Variants in PLCL1 observed in about 807,000 individuals in gnomAD.
PLCL1 encodes the protein phospholipase C like 1 (inactive).
Under a neutral mutation model 84.4 loss-of-function variants are expected in PLCL1, and 41 were observed. That is an observed-to-expected ratio of 0.49 (90% CI 0.38 to 0.63). The LOEUF is 0.63. Ranked by LOEUF, PLCL1 falls within the 30% of genes least tolerant of loss-of-function variation. PLCL1 has a pLI of 0.00. For synonymous variants in PLCL1, 490 were observed against 488.3 expected (o/e 1.00, Z -0.05); for missense variants, 1,206 against 1,367.8 (o/e 0.88, Z 1.87).
chr2:197,953,794 CTA>C (rs1689433843), intron 1 of PLCL1, among the ~76,000 whole-genome samples: 1 of 151,446 alleles, frequency 6.6e-6, no homozygotes, highest in Non-Finnish European at 1.5e-5. Flanking sequence ...AACATTTTTT[CTA>C]TGTGTTTTTG....
intron 1 of PLCL1, among the ~76,000 whole-genome samples, chr2:197,852,873 G>A (rs1687265235): frequency 6.6e-6 from 1 of 151,978 alleles, no homozygotes; most frequent in Non-Finnish European, 1.5e-5. Context: ...TTTTATTATG[G>A]TAAATATATT....
At chr2:197,960,060 T>C (rs578045386) in intron 1 of PLCL1, among the ~76,000 whole-genome samples, 3 of 152,228 alleles carry the variant, frequency 2.0e-5, no homozygotes, top group African/African-American at 7.2e-5. Context: ...AGCTATCTCT[T>C]CATTGTGAGT....
intron 3 of PLCL1, among the ~76,000 whole-genome samples, chr2:198,100,056 T>C (rs1276244596): frequency 2.0e-5 from 3 of 152,124 alleles, no homozygotes; most frequent in African/African-American, 7.2e-5. Context: ...TTCAAAAAGA[T>C]AATTACAAGT....
chr2:198,019,180 A>T (rs1401996668), intron 1 of PLCL1, among the ~76,000 whole-genome samples: 1 of 152,240 alleles, frequency 6.6e-6, no homozygotes, highest in Non-Finnish European at 1.5e-5. Flanking sequence ...AAAAAGCAGT[A>T]GCATCAACAT....
chr2:197,902,017 A>T (rs1055478011), intron 1 of PLCL1, among the ~76,000 whole-genome samples: 1 of 152,204 alleles, frequency 6.6e-6, no homozygotes, highest in Non-Finnish European at 1.5e-5. Context: ...AAAAGAAATC[A>T]TATAAACCCT....
chr2:198,046,007 G>A (rs1043247178), intron 1 of PLCL1, among the ~76,000 whole-genome samples: 2 of 152,100 alleles, frequency 1.3e-5, no homozygotes, highest in African/African-American at 2.4e-5. Flanking sequence ...GGTGACTGGT[G>A]GGGGGTGGTA....
chr2:197,932,072 C>T (rs1688946904), intron 1 of PLCL1, among the ~76,000 whole-genome samples: 2 of 152,164 alleles, frequency 1.3e-5, no homozygotes, highest in Admixed American at 1.3e-4. Context: ...CTGCCAATTT[C>T]TCAGTTTTAG....
At chr2:197,911,821 C>T (rs970504311) in intron 1 of PLCL1, among the ~76,000 whole-genome samples, 5 of 152,148 alleles carry the variant, frequency 3.3e-5, no homozygotes, top group South Asian at 2.1e-4. Context: ...CCTTTTGTCC[C>T]GAGTTCCAGT....
chr2:198,115,814 C>T (rs1693731709), intron 5 of PLCL1, among the ~76,000 whole-genome samples: 1 of 151,476 alleles, frequency 6.6e-6, no homozygotes, highest in African/African-American at 2.4e-5. Flanking sequence ...CCCCATGATT[C>T]AATTATTTCT....
rs1689409915 is a variant in PLCL1 at position 197,952,624 on chromosome 2, G to T, written c.241-131134G>T. Reference sequence around the variant, plus strand: ...GTGGGGATCCTACATCATTGCACTTGTGTGGATGAATCATGCCTAATATGG... The same window carrying T: ...GTGGGGATCCTACATCATTGCACTTTTGTGGATGAATCATGCCTAATATGG... On this transcript the variant is annotated intron_variant, in intron 1 of 5. Coordinates refer to ENST00000428675, the MANE Select transcript of PLCL1 (RefSeq NM_006226.4). 2.0e-5 allele frequency among the ~76,000 whole-genome samples: 3 copies of T among 152,120 alleles called. No homozygotes were observed. In the South Asian group the frequency reaches 6.2e-4, roughly 31 times the overall value.
intron 1 of PLCL1, among the ~76,000 whole-genome samples, chr2:197,824,713 CAA>C (rs1163183876): frequency 3.6e-4 from 20 of 55,548 alleles, no homozygotes; most frequent in Admixed American, 1.0e-3. Context: ...GACCCTGTCT[CAA>C]AAAAAAAAAA....
chr2:197,813,707 A>G (rs1027883564), intron 1 of PLCL1, among the ~76,000 whole-genome samples: 2 of 152,188 alleles, frequency 1.3e-5, no homozygotes, highest in African/African-American at 4.8e-5. Context: ...CACAATAACC[A>G]TATGATATGC....
At chr2:197,957,692 C>G (rs1438153636) in intron 1 of PLCL1, among the ~76,000 whole-genome samples, 1 of 152,024 alleles carries the variant, frequency 6.6e-6, no homozygotes, top group African/African-American at 2.4e-5. Context: ...AGGATAATCC[C>G]TCCCAGAGAG....
Position 198,086,012 on chromosome 2 carries a change from T to A in PLCL1, c.2495T>A (p.Val832Glu). ...GYRHVPLRSF[V>E]GDIMEHVTLF... ...CGGCATGTTCCCCTGCGTTCTTTTGTGGGTGACATCATGGAGCACGTAACC... is the reference window on the plus strand; with the variant it reads ...CGGCATGTTCCCCTGCGTTCTTTTGAGGGTGACATCATGGAGCACGTAACC... Residue 832 changes from valine (V) to glutamate (E), a missense_variant, in exon 2 of 6, where the codon GTG (valine) becomes GAG (glutamate). By Grantham distance (121) the Val-to-Glu change is moderately radical. Transcript: ENST00000428675. 1.2e-6 allele frequency: 2 copies of A among 1,614,116 alleles called. No homozygotes were observed. The highest frequency in any genetic ancestry group is 1.7e-6 in the Non-Finnish European group (2 of 1,179,984).
At chr2:197,882,805 T>C (rs1272961986) in intron 1 of PLCL1, among the ~76,000 whole-genome samples, 1 of 152,216 alleles carries the variant, frequency 6.6e-6, no homozygotes, top group African/African-American at 2.4e-5. Context: ...TTATAAGGTA[T>C]AGCAAATATA....
chr2:198,084,786 G>A lies in PLCL1; in HGVS notation c.1269G>A (p.Arg423=). Residue 423 remains arginine, a synonymous_variant, in exon 2 of 6, where the codon AGG becomes AGA. Coordinates refer to ENST00000428675, the MANE Select transcript of PLCL1 (RefSeq NM_006226.4). ...HNTYLIEDQF[R]GPADINGYIR... is the part of the protein sequence containing the mutation. The stretch of plus-strand genomic sequence containing the variant: ...CCTATCTAATAGAAGACCAGTTCAG[G>A]GGGCCAGCTGACATCAATGGGTACA... 3 of 1,614,056 alleles carry A rather than the reference G, an allele frequency of 1.9e-6. No individual in the cohort carries two copies. Among genetic ancestry groups the A allele is most frequent in the Non-Finnish European group, 2.5e-6 (3 of 1,179,976 alleles).
chr2:197,805,314 C>G lies in PLCL1; in HGVS notation c.215C>G (p.Thr72Ser). The part of the protein sequence containing the change: ...EAGLLEAARA[T>S]PRRSSIIKDP... ...GGCCTCCTGGAGGCAGCACGGGCGA[C>G]CCCCCGGCGCAGCAGCATCATCAAG... Residue 72 changes from threonine to serine, a missense_variant, in exon 1 of 6, where the codon ACC (threonine) becomes AGC (serine). Coordinates refer to ENST00000428675, the MANE Select transcript of PLCL1 (RefSeq NM_006226.4). This position sits in a 1 kb window ranked among gnomAD's most constrained non-coding sequence, Gnocchi z 4.0. The G allele has an allele frequency of 1.5e-6, 2 of 1,304,002 alleles. No homozygotes were observed. Among genetic ancestry groups the G allele is most frequent in the Non-Finnish European group, 9.7e-7 (1 of 1,030,276 alleles). 80.8% of individuals were successfully genotyped at this position (1,304,002 alleles called of 1,614,324 possible). A position where few individuals can be genotyped will look rare whatever the true frequency, so the allele number is the denominator to read the frequency against.
intron 3 of PLCL1, among the ~76,000 whole-genome samples, chr2:198,092,038 C>T (rs1043240188): frequency 6.6e-6 from 1 of 151,456 alleles, no homozygotes; most frequent in Non-Finnish European, 1.5e-5. Context: ...CTGCCGCTCC[C>T]AACTGCACCT....
chr2:198,043,620 T>C (rs1000461468), intron 1 of PLCL1, among the ~76,000 whole-genome samples: 11 of 152,082 alleles, frequency 7.2e-5, no homozygotes, highest in African/African-American at 2.4e-4. Flanking sequence ...TGGAGGTTCA[T>C]AGGGAGTTGT....
Sources: gnomAD v4.1 joint callset for allele counts (sites outside exome capture counted in the v4.1 genomes callset) on GRCh38, gnomAD v4.1.1 for gene constraint, Gnocchi (gnomAD v3.1) non-coding constraint, MANE v1.5 for transcripts, NCBI Gene and HGNC (gene_info 2026-07-23, HGNC 2026-07-21) for gene names.